Variants in SETD2 observed in about 807,000 individuals in gnomAD.
SETD2 encodes the protein histone-lysine N-methyltransferase SETD2.
SETD2 carries 31 observed loss-of-function variants against 242.1 expected under a neutral mutation model. The observed-to-expected ratio is 0.13, with a 90% CI of 0.10 to 0.17. The LOEUF is 0.17. SETD2 is among the 10% of genes least tolerant of loss of function. The pLI, the probability that SETD2 is intolerant of heterozygous loss-of-function variation, is 1.00. For synonymous variants in SETD2, 1,006 were observed against 1,066.5 expected (o/e 0.94, Z 1.11); for missense variants, 2,481 against 3,046.3 (o/e 0.81, Z 4.37).
chr3:47,147,362 G>A (rs886598599), intron 1 of SETD2, among the ~76,000 whole-genome samples: 4 of 134,076 alleles, frequency 3.0e-5, no homozygotes, highest in South Asian at 2.3e-4. Context: ...TCACCCTGTC[G>A]CCCAGGATGG....
intron 1 of SETD2, among the ~76,000 whole-genome samples, chr3:47,146,745 C>A (rs557165522): frequency 6.6e-6 from 1 of 151,844 alleles, no homozygotes; most frequent in Non-Finnish European, 1.5e-5. Flanking sequence ...AAAACCAGCC[C>A]GGGCAACATG....
rs2107739161 is a variant in SETD2 at position 47,120,217 on chromosome 3, A to G, written c.4419T>C (p.Phe1473=). The change falls in exon 3 of 21, where the codon TTT becomes TTC. Residue 1473 remains phenylalanine, a synonymous_variant. Transcript: ENST00000409792. ...AATAAACATTTTCTTCAATAAGATC[A>G]AAGTAACATGGCATTTTCCCTTGCT... ...CAKQGKMPCY[F]DLIEENVYLT... 6.4e-7 allele frequency: 1 copy of G among 1,568,318 alleles called. No homozygotes were observed. Among genetic ancestry groups the G allele is most frequent in the Admixed American group, 2.0e-5 (1 of 49,050 alleles).
At chr3:47,131,028 A>G (rs1400784769) in intron 1 of SETD2, among the ~76,000 whole-genome samples, 1 of 152,198 alleles carries the variant, frequency 6.6e-6, no homozygotes, top group Non-Finnish European at 1.5e-5. Context: ...CATTAGAAGT[A>G]AGGTTTACAA....
intron 1 of SETD2, among the ~76,000 whole-genome samples, chr3:47,156,662 G>A (rs1414521933): frequency 6.6e-6 from 1 of 152,104 alleles, no homozygotes; most frequent in Non-Finnish European, 1.5e-5. Context: ...GTAGCCCAAA[G>A]AAGGTAACCT....
chr3:47,043,877 T>C (rs1575677863), intron 16 of SETD2, among the ~76,000 whole-genome samples: 1 of 152,252 alleles, frequency 6.6e-6, no homozygotes, highest in African/African-American at 2.4e-5. Flanking sequence ...TATCTCTTAA[T>C]AGTTTAAGGC....
At chr3:47,090,800 G>A (rs1165938259) in intron 9 of SETD2, among the ~76,000 whole-genome samples, 1 of 152,176 alleles carries the variant, frequency 6.6e-6, no homozygotes, top group Non-Finnish European at 1.5e-5. Flanking sequence ...AATGATGAAA[G>A]TCTAGAATGA....
chr3:47,062,095 T>C, intron 14 of SETD2, 68 bp downstream of exon 14: 1 of 1,421,588 alleles, frequency 7.0e-7, no homozygotes, highest in Non-Finnish European at 9.7e-7. Context: ...CAGAAGTATA[T>C]GACTTGGGTA....
In SETD2 at chr3:47,016,624, A is replaced by G. The variant is rs2037993810; in HGVS notation, c.*469T>C. The G allele has an allele frequency of 8.5e-6, 2 of 234,908 alleles. No homozygotes were observed. The highest frequency in any genetic ancestry group is 4.4e-5 in the African/African-American group (2 of 45,508). The allele number at this position is 234,908 out of a possible 1,614,324, so 14.6% of individuals were successfully genotyped here. A position where few individuals can be genotyped will look rare whatever the true frequency, so the allele number is the denominator to read the frequency against. On this transcript the variant is annotated 3_prime_UTR_variant, in exon 21 of 21. Transcript: ENST00000409792. ...CAGGAGAACTTAAACTGTCCTTACA[A>G]AGTCTTCCTGTGATCCTAGCATGTA...
intron 18 of SETD2, among the ~76,000 whole-genome samples, chr3:47,022,903 G>C (rs2038295147): frequency 6.6e-6 from 1 of 152,168 alleles, no homozygotes; most frequent in African/African-American, 2.4e-5. Flanking sequence ...ATGGCCTTAA[G>C]CTTATTGGGC....
intron 4 of SETD2, among the ~76,000 whole-genome samples, chr3:47,115,827 G>C (rs1486577252): frequency 6.6e-6 from 1 of 152,016 alleles, no homozygotes; most frequent in Non-Finnish European, 1.5e-5. Context: ...GTATTTTTTA[G>C]TAGAGATGGG....
intron 10 of SETD2, among the ~76,000 whole-genome samples, chr3:47,087,397 T>C (rs1372564678): frequency 6.6e-6 from 1 of 152,164 alleles, no homozygotes; most frequent in Non-Finnish European, 1.5e-5. Context: ...CATTAGATTC[T>C]CATAAGGAGT....
Position 47,120,883 on chromosome 3 carries a change from T to G in SETD2, c.3753A>C (p.Ser1251=), listed in dbSNP as rs758824937. The change falls in exon 3 of 21, where the codon TCA becomes TCC. Residue 1251 remains serine, a synonymous_variant. Coordinates refer to ENST00000409792, the MANE Select transcript of SETD2 (RefSeq NM_014159.7). The part of the protein sequence containing the change: ...CEIPHVDGLH[S]SEELRNLGWD... ...AACCTAAGTTTCTGAGCTCTTCTGA[T>G]GAGTGCAAGCCATCCACATGTGGTA... is the stretch of plus-strand genomic sequence containing the variant. 1.2e-6 allele frequency: 2 copies of G among 1,614,224 alleles called. No homozygotes were observed. The highest frequency in any genetic ancestry group is 1.3e-5 in the African/African-American group (1 of 75,060).
chr3:47,045,308 A>T (rs1259849774), intron 16 of SETD2, among the ~76,000 whole-genome samples: 1 of 152,098 alleles, frequency 6.6e-6, no homozygotes, highest in East Asian at 1.9e-4. Context: ...TCACGAGGTC[A>T]GGAGATTGAG....
chr3:47,018,693 A>T (rs1019256310), intron 19 of SETD2, among the ~76,000 whole-genome samples: 6 of 152,152 alleles, frequency 3.9e-5, no homozygotes, highest in Middle Eastern at 3.2e-3. Flanking sequence ...ACAGATAGGG[A>T]TTTCATTACC....
intron 18 of SETD2, among the ~76,000 whole-genome samples, chr3:47,026,283 A>G (rs1311384287): frequency 6.6e-6 from 1 of 152,278 alleles, no homozygotes; most frequent in Non-Finnish European, 1.5e-5. Context: ...TAGAATGGCA[A>G]TCACTAAAAA....
chr3:47,098,229 C>T (rs1397778741), intron 8 of SETD2, 148 bp from the exon 9 acceptor site: 2 of 606,708 alleles, frequency 3.3e-6, no homozygotes, highest in African/African-American at 3.8e-5. Context: ...TCTGCTATTA[C>T]TAATAGAAAT....
chr3:47,118,764 TTATATA>T (rs929193946), intron 3 of SETD2, among the ~76,000 whole-genome samples: 1 of 151,624 alleles, frequency 6.6e-6, no homozygotes, highest in African/African-American at 2.4e-5. Context: ...GTGCACAGTT[TTATATA>T]TATATATCTG....
chr3:47,105,160 A>G (rs1343017461), intron 6 of SETD2, among the ~76,000 whole-genome samples: 1 of 152,180 alleles, frequency 6.6e-6, no homozygotes, highest in Non-Finnish European at 1.5e-5. Flanking sequence ...CTATAATACC[A>G]GTACTTTGGG....
At chr3:47,101,261 C>T (rs1334206309) in intron 8 of SETD2, among the ~76,000 whole-genome samples, 197 bp downstream of exon 8, 5 of 152,008 alleles carry the variant, frequency 3.3e-5, no homozygotes, top group African/African-American at 1.2e-4. Flanking sequence ...GAAAATTATA[C>T]AGTTCCTGTA....
Sources: gnomAD v4.1 joint callset for allele counts (sites outside exome capture counted in the v4.1 genomes callset) on GRCh38, gnomAD v4.1.1 for gene constraint, MANE v1.5 for transcripts, NCBI Gene and HGNC (gene_info 2026-07-23, HGNC 2026-07-21) for gene names.